KLHL32: variants seen among roughly 807,000 people sequenced by gnomAD.
The protein encoded by KLHL32 is kelch-like protein 32.
A neutral mutation model predicts 64.8 loss-of-function variants in KLHL32; 35 were observed. That is an observed-to-expected ratio of 0.54 (90% CI 0.41 to 0.72). The LOEUF (loss-of-function observed/expected upper bound fraction) is 0.72, where lower values mean the gene tolerates loss of function less well. Among genes scored for constraint, KLHL32 ranks in the 30% least tolerant of loss-of-function variants. The pLI, the probability that KLHL32 is intolerant of heterozygous loss-of-function variation, is 0.00. For missense variants in KLHL32, 589 were observed against 768.5 expected (o/e 0.77, Z 2.76); for synonymous variants, 259 against 281.0 (o/e 0.92, Z 0.78).
chr6:96,966,988 T>C lies in KLHL32; in HGVS notation c.-65-8T>C. On this transcript the variant is annotated splice_region_variant and splice_polypyrimidine_tract_variant and intron_variant, in intron 1 of 10. Coordinates refer to ENST00000369261, the MANE Select transcript of KLHL32 (RefSeq NM_052904.4). ...CAATGCACCCTTTTCTCTTGTCTTT[T>C]TATTCAGCTGGAATGCTTGCTGATT... is the stretch of plus-strand genomic sequence containing the variant. 7.1e-7 allele frequency: 1 copy of C among 1,403,674 alleles called. No individual in the cohort carries two copies. Among genetic ancestry groups the C allele is most frequent in the Middle Eastern group, 1.8e-4 (1 of 5,576 alleles). The allele number at this position is 1,403,674 out of a possible 1,614,324, so 87.0% of individuals were successfully genotyped here. A position where few individuals can be genotyped will look rare whatever the true frequency, so the allele number is the denominator to read the frequency against.
chr6:96,943,629 C>A (rs937816266), intron 1 of KLHL32, among the ~76,000 whole-genome samples: 5 of 152,248 alleles, frequency 3.3e-5, no homozygotes, highest in African/African-American at 1.2e-4. Context: ...GGACCCAGGT[C>A]TCCGAGGTCT....
chr6:97,025,069 A>G (rs1213025693), intron 3 of KLHL32: 1 of 984,928 alleles, frequency 1.0e-6, no homozygotes, highest in Non-Finnish European at 1.2e-6. Context: ...GAATTTTTAA[A>G]CTCTTAAAAA....
At chr6:96,910,611 A>C in the KLHL32 span, among the ~76,000 whole-genome samples, 1 of 152,224 alleles carries the variant, frequency 6.6e-6, no homozygotes, top group Admixed American at 6.5e-5. Context: ...TGTTTCTGAG[A>C]ATAAAATACA....
At chr6:97,094,650 C>T (rs1794718908) in intron 6 of KLHL32, among the ~76,000 whole-genome samples, 1 of 152,144 alleles carries the variant, frequency 6.6e-6, no homozygotes, top group Non-Finnish European at 1.5e-5. Flanking sequence ...GTAGAGAAAG[C>T]ATAACCAGGA....
intron 4 of KLHL32, among the ~76,000 whole-genome samples, chr6:97,063,017 T>C (rs1438489366): frequency 1.3e-5 from 2 of 152,216 alleles, no homozygotes; most frequent in Non-Finnish European, 2.9e-5. Flanking sequence ...TTTTAGGTTA[T>C]AGTGGAGACT....
chr6:97,139,527 ATT>A lies in KLHL32; in HGVS notation c.*246_*247del. 1 of 420,490 alleles carries A rather than the reference ATT, an allele frequency of 2.4e-6. No individual in the cohort carries two copies. Among genetic ancestry groups the A allele is most frequent in the Non-Finnish European group, 4.2e-6 (1 of 235,478 alleles). The allele number at this position is 420,490 out of a possible 1,614,324, so 26.0% of individuals were successfully genotyped here. On this transcript the variant is annotated 3_prime_UTR_variant, in exon 11 of 11. Transcript: ENST00000369261. ...ATAGCTTAGTGCCAATTTAAGGTAT[ATT>A]GTGTTCCATGGGTCTTTAGAGCATT...
At chr6:97,067,931 A>G (rs1030644636) in intron 5 of KLHL32, among the ~76,000 whole-genome samples, 2 of 152,128 alleles carry the variant, frequency 1.3e-5, no homozygotes, top group South Asian at 2.1e-4. Context: ...TCATTGGTAG[A>G]TATCCTCAGT....
At chr6:97,087,722 A>C (rs559096426) in intron 6 of KLHL32, among the ~76,000 whole-genome samples, 21 of 152,288 alleles carry the variant, frequency 1.4e-4, no homozygotes, top group Admixed American at 3.9e-4. Flanking sequence ...TGGCTCTTCT[A>C]CTATGTACTG....
intron 4 of KLHL32, among the ~76,000 whole-genome samples, chr6:97,056,156 A>G (rs1172686062): frequency 2.4e-5 from 3 of 124,984 alleles, no homozygotes; most frequent in African/African-American, 9.6e-5. Flanking sequence ...CCCAGGCTGG[A>G]GTGCAGTGGC....
At chr6:96,953,363 C>T (rs1772865274) in intron 1 of KLHL32, among the ~76,000 whole-genome samples, 2 of 152,184 alleles carry the variant, frequency 1.3e-5, no homozygotes, top group Admixed American at 6.5e-5. Flanking sequence ...AGCTTGTTGG[C>T]TCATGCCTGT....
chr6:96,920,810 C>T (rs1768730402), upstream of KLHL32, among the ~76,000 whole-genome samples: 1 of 152,150 alleles, frequency 6.6e-6, no homozygotes, highest in Non-Finnish European at 1.5e-5. Flanking sequence ...CCTTCTCCCT[C>T]CCCTTTTCTC....
At chr6:97,076,775 G>A (rs1350030621) in intron 5 of KLHL32, among the ~76,000 whole-genome samples, 1 of 152,006 alleles carries the variant, frequency 6.6e-6, no homozygotes. Context: ...CATCTTTTTA[G>A]GTTGCCATAT....
At chr6:97,123,165 C>A (rs1798539037) in intron 7 of KLHL32, among the ~76,000 whole-genome samples, 1 of 152,136 alleles carries the variant, frequency 6.6e-6, no homozygotes, top group Non-Finnish European at 1.5e-5. Flanking sequence ...CCCAGTCTGA[C>A]CATGTACAAT....
At chr6:97,106,572 G>A (rs1459570546) in intron 6 of KLHL32, among the ~76,000 whole-genome samples, 1 of 151,882 alleles carries the variant, frequency 6.6e-6, no homozygotes, top group African/African-American at 2.4e-5. Flanking sequence ...GTGAAACCCC[G>A]TTTCTACTAA....
At chr6:96,996,199 C>T (rs1202695980) in intron 3 of KLHL32, among the ~76,000 whole-genome samples, 5 of 152,242 alleles carry the variant, frequency 3.3e-5, no homozygotes, top group Admixed American at 6.5e-5. Flanking sequence ...CCTACAGTTT[C>T]TGGCCAGGGA....
intron 5 of KLHL32, among the ~76,000 whole-genome samples, chr6:97,065,391 C>A (rs963355037): frequency 2.0e-5 from 3 of 152,174 alleles, no homozygotes; most frequent in African/African-American, 7.2e-5. Flanking sequence ...TCCAACTTGT[C>A]TGAGGCAATA....
At position 97,114,349 on chromosome 6, in the gene KLHL32, A is replaced by C. The variant is rs549371709; in HGVS notation, c.1194A>C (p.Glu398Asp). 45 of 1,614,202 alleles carry C rather than the reference A, an allele frequency of 2.8e-5. No individual in the cohort carries two copies. In the South Asian group the frequency reaches 4.4e-4, roughly 16 times the overall value. ...ATTTTGTGCTGGGTGCCATGGAGGA[A>C]TACCTCTATGCAGTTGGGGGCAGAA... ...REHFVLGAME[E>D]YLYAVGGRNE... The change falls in exon 7 of 11, where the codon GAA becomes GAC. Residue 398 changes from glutamate to aspartate, a missense_variant. Physicochemically the swap from Glu to Asp is conservative, Grantham distance 45. This residue lies in a region of KLHL32 where 226 missense variants were observed against 353.2 expected (regional missense o/e 0.64). Coordinates refer to ENST00000369261, the MANE Select transcript of KLHL32 (RefSeq NM_052904.4).
At chr6:97,043,677 C>T (rs1448076166) in intron 4 of KLHL32, among the ~76,000 whole-genome samples, 3 of 152,156 alleles carry the variant, frequency 2.0e-5, no homozygotes, top group Non-Finnish European at 4.4e-5. Context: ...TATATTCCCA[C>T]TAACAGTGCA....
chr6:96,971,939 G>C (rs1303082691), intron 2 of KLHL32, among the ~76,000 whole-genome samples: 1 of 152,044 alleles, frequency 6.6e-6, no homozygotes, highest in African/African-American at 2.4e-5. Context: ...TGCAACCTCT[G>C]CTTCCCGGGT....
Sources: allele counts gnomAD v4.1 joint callset (sites outside exome capture counted in the v4.1 genomes callset), GRCh38; gene constraint gnomAD v4.1.1; regional missense constraint gnomAD v4.1.1; transcripts MANE v1.5; gene names NCBI Gene and HGNC (gene_info 2026-07-23, HGNC 2026-07-21).